Variants in RIMS3 observed in about 807,000 individuals in gnomAD.
RIMS3 encodes regulating synaptic membrane exocytosis 3.
In RIMS3, 15 loss-of-function variants were observed where a neutral mutation model predicts 29.2. That is an observed-to-expected ratio of 0.51 (90% CI 0.34 to 0.79). RIMS3 has a LOEUF of 0.79. Among genes scored for constraint, RIMS3 ranks in the 30% least tolerant of loss-of-function variants. RIMS3 has a pLI of 0.01. For synonymous variants in RIMS3, 161 were observed against 170.1 expected, an observed-to-expected ratio of 0.95 and a Z score of 0.41; for missense variants, 342 against 421.4, an observed-to-expected ratio of 0.81 and a Z score of 1.65.
chr1:40,668,773 G>T (rs577406164), upstream of RIMS3, among the ~76,000 whole-genome samples: 112 of 152,276 alleles, frequency 7.4e-4, no homozygotes, highest in African/African-American at 2.6e-3. Flanking sequence ...CCATAAGTCA[G>T]TTTGAAAGAC....
intron 1 of RIMS3, among the ~76,000 whole-genome samples, chr1:40,659,634 T>G (rs1258398057): frequency 6.6e-6 from 1 of 152,154 alleles, no homozygotes; most frequent in Non-Finnish European, 1.5e-5. Context: ...AAAAGCGATT[T>G]GAGTGTGCTG....
chr1:40,630,999 C>G (rs1214525869), intron 5 of RIMS3, among the ~76,000 whole-genome samples: 1 of 152,180 alleles, frequency 6.6e-6, no homozygotes, highest in Non-Finnish European at 1.5e-5. Flanking sequence ...GAGTCCTGGC[C>G]TGGAGTGGAA....
In RIMS3 at chr1:40,623,669, C is replaced by A; in HGVS notation, c.*2848G>T. On this transcript the variant is annotated 3_prime_UTR_variant, in exon 8 of 8. Transcript: ENST00000372684. ...ATCATGTTCCTTCCTTCCCCACCCC[C>A]CGTCCTCAAACAGCAGATGCTCCCC... is the stretch of plus-strand genomic sequence containing the variant. 2.6e-6 allele frequency: 1 copy of A among 387,162 alleles called. No individual in the cohort carries two copies. The highest frequency in any genetic ancestry group is 4.5e-6 in the Non-Finnish European group (1 of 222,218). 24.0% of individuals were successfully genotyped at this position (387,162 alleles called of 1,614,324 possible).
At chr1:40,646,193 A>G (rs975438710) in intron 2 of RIMS3, among the ~76,000 whole-genome samples, 82 of 152,326 alleles carry the variant, frequency 5.4e-4, no homozygotes, top group African/African-American at 1.9e-3. Context: ...TGCACATTGT[A>G]GCAGAGGTCT....
At chr1:40,685,694 GCTCAGGATGGATTTCAGAA>G in the RIMS3 span, among the ~76,000 whole-genome samples, 1 of 152,112 alleles carries the variant, frequency 6.6e-6, no homozygotes, top group Admixed American at 6.5e-5. Flanking sequence ...GGATTTCAAA[GCTCAGGATGGATTTCAGAA>G]CTCAGCAGCT....
At chr1:40,652,629 G>A (rs892562184) in intron 1 of RIMS3, among the ~76,000 whole-genome samples, 35 of 152,342 alleles carry the variant, frequency 2.3e-4, no homozygotes, top group African/African-American at 8.4e-4. Flanking sequence ...CAGCAGCGCA[G>A]TTGGAGAGGA....
the RIMS3 span, chr1:40,673,489 G>A: frequency 6.6e-6 from 1 of 152,256 alleles, no homozygotes; most frequent in African/African-American, 2.4e-5. Flanking sequence ...AAGGGACCGA[G>A]GGTACAGAAG....
At chr1:40,642,397 T>C (rs1456867207) in intron 2 of RIMS3, among the ~76,000 whole-genome samples, 1 of 152,192 alleles carries the variant, frequency 6.6e-6, no homozygotes, top group African/African-American at 2.4e-5. Context: ...AGGGGAAATA[T>C]TCAGTAAGTA....
At chr1:40,637,461 C>T (rs1199329501) in intron 3 of RIMS3, among the ~76,000 whole-genome samples, 1 of 152,094 alleles carries the variant, frequency 6.6e-6, no homozygotes, top group East Asian at 1.9e-4. Context: ...ATTCAGGAAT[C>T]CATGACACCA....
chr1:40,651,316 G>A (rs1215171866), intron 1 of RIMS3, among the ~76,000 whole-genome samples: 1 of 152,232 alleles, frequency 6.6e-6, no homozygotes, highest in Non-Finnish European at 1.5e-5. Context: ...TGTGCCGACG[G>A]AGGCAGAAAT....
rs147760966 is a variant in RIMS3 at position 40,655,095 on chromosome 1, C to T, written c.-206-7253G>A. On this transcript the variant is annotated intron_variant, in intron 1 of 7. Coordinates refer to ENST00000372684, the MANE Select transcript of RIMS3 (RefSeq NM_014747.3). ...AATCCACTGTGTCCTCCGAGGCCCC[C>T]TGGGGTCTGCTGCGAGGTCCCAGGG... Among the ~76,000 whole-genome samples the T allele has an allele frequency of 1.1e-3, 175 of 152,330 alleles. 3 individuals are homozygous for T. The highest frequency in any genetic ancestry group is 4.1e-3 in the African/African-American group (170 of 41,570).
chr1:40,682,786 G>A, the RIMS3 span, among the ~76,000 whole-genome samples: 10 of 100,398 alleles, frequency 1.0e-4, no homozygotes, highest in Non-Finnish European at 1.8e-4. Context: ...TGTCAACCAG[G>A]CTGGAGTGCA....
At chr1:40,631,164 C>T (rs776049342) in intron 5 of RIMS3, among the ~76,000 whole-genome samples, 3 of 152,074 alleles carry the variant, frequency 2.0e-5, no homozygotes, top group Admixed American at 6.5e-5. Context: ...GGAGTGGAGG[C>T]GAGGAGGCAC....
chr1:40,682,594 A>G, the RIMS3 span, among the ~76,000 whole-genome samples: 5 of 152,122 alleles, frequency 3.3e-5, no homozygotes, highest in African/African-American at 1.2e-4. Flanking sequence ...GTCCCCCTCC[A>G]GAGGAAAGGA....
rs529347543 is a variant in RIMS3 at position 40,627,852 on chromosome 1, G to C, written c.714+958C>G. On this transcript the variant is annotated intron_variant, in intron 7 of 7. Coordinates refer to ENST00000372684, the MANE Select transcript of RIMS3 (RefSeq NM_014747.3). ...ACTCTTGGACTCAAGTGATCCTCCTGCCTCAGTCTCCCGAGTCTCTGGGAT... is the reference window on the plus strand; with the variant it reads ...ACTCTTGGACTCAAGTGATCCTCCTCCCTCAGTCTCCCGAGTCTCTGGGAT... Among the ~76,000 whole-genome samples the C allele has an allele frequency of 8.4e-4, 127 of 152,014 alleles. 1 individual carries two copies. Among genetic ancestry groups the C allele is most frequent in the Middle Eastern group, 3.4e-3 (1 of 294 alleles).
At chr1:40,672,091 A>G in the RIMS3 span, among the ~76,000 whole-genome samples, 3 of 151,388 alleles carry the variant, frequency 2.0e-5, no homozygotes, top group African/African-American at 7.3e-5. Flanking sequence ...AGTCTCAGGT[A>G]TTTCCTTATA....
chr1:40,626,179 G>A lies in RIMS3; in HGVS notation c.*338C>T, dbSNP rs1395111557. On this transcript the variant is annotated 3_prime_UTR_variant, in exon 8 of 8. Transcript: ENST00000372684. ...GCCGCATGCCCCACCTCCATCCCTG[G>A]AGACTCCTCAGGGTGAGTCATGTCC... 7.9e-6 allele frequency: 3 copies of A among 379,538 alleles called. No homozygotes were observed. The highest frequency in any genetic ancestry group is 1.5e-5 in the Non-Finnish European group (3 of 198,708). 23.5% of individuals were successfully genotyped at this position (379,538 alleles called of 1,614,324 possible).
intron 3 of RIMS3, among the ~76,000 whole-genome samples, chr1:40,638,384 C>T (rs553831736): frequency 8.2e-4 from 125 of 152,336 alleles, no homozygotes; most frequent in African/African-American, 2.8e-3. Context: ...TGGCTTCATA[C>T]ATGAATAGTC....
chr1:40,652,010 T>C (rs953314116), intron 1 of RIMS3, among the ~76,000 whole-genome samples: 3 of 152,118 alleles, frequency 2.0e-5, no homozygotes, highest in Admixed American at 1.3e-4. Flanking sequence ...CTTTCTGGAG[T>C]CAGATTTACA....
Sources: allele counts gnomAD v4.1 joint callset (sites outside exome capture counted in the v4.1 genomes callset), GRCh38; gene constraint gnomAD v4.1.1; transcripts MANE v1.5; gene names NCBI Gene and HGNC (gene_info 2026-07-23, HGNC 2026-07-21).